Variants in FBXO3 observed in about 807,000 individuals in gnomAD.
FBXO3 encodes F-box protein 3.
In FBXO3, 17 loss-of-function variants were observed where a neutral mutation model predicts 64.8. The ratio of observed to expected loss-of-function variants is 0.26; its 90% CI spans 0.18 to 0.39. FBXO3 has a LOEUF of 0.39. Among genes scored for constraint, FBXO3 ranks in the 10% least tolerant of loss-of-function variants. The pLI is 1.00. For missense variants in FBXO3, 420 were observed against 589.9 expected (o/e 0.71, Z 2.98); for synonymous variants, 182 against 201.6 (o/e 0.90, Z 0.82).
chr11:33,758,162 A>T (rs568122371), intron 4 of FBXO3, among the ~76,000 whole-genome samples: 46 of 152,300 alleles, frequency 3.0e-4, no homozygotes, highest in African/African-American at 1.1e-3. Context: ...GGCCTGTAAT[A>T]AGATACACAT....
chr11:33,750,680 A>G lies in FBXO3; in HGVS notation c.810-19T>C, dbSNP rs1250500892. ...AACATATCTAGGTAATTTAAAAATTAAACATTTTAAAATCAACTACAGGAT... is the reference window on the plus strand; with the variant it reads ...AACATATCTAGGTAATTTAAAAATTGAACATTTTAAAATCAACTACAGGAT... On this transcript the variant is annotated intron_variant, in intron 7 of 10. Coordinates refer to ENST00000265651, the MANE Select transcript of FBXO3 (RefSeq NM_012175.4). The G allele has an allele frequency of 1.9e-5, 31 of 1,598,810 alleles. No individual in the cohort carries two copies. The highest frequency in any genetic ancestry group is 3.4e-5 in the Admixed American group (2 of 59,166).
rs35452082 is a variant in FBXO3, at chr11:33,749,360, C to CTTT, written c.933-471_933-469dup. Among the ~76,000 whole-genome samples, 156 of 137,036 alleles carry CTTT rather than the reference C, an allele frequency of 1.1e-3. 3 individuals are homozygous for CTTT. The highest frequency in any genetic ancestry group is 3.9e-3 in the Middle Eastern group (1 of 254). 89.9% of individuals were successfully genotyped at this position (137,036 alleles called of 152,430 possible). A position where few individuals can be genotyped will look rare whatever the true frequency, so the allele number is the denominator to read the frequency against. Reference sequence around the variant, plus strand: ...GATGTCACCAGTTACTGGGATTACACTTTTTTTTTTTTTTTTTGAGACAGG... The same window carrying CTTT: ...GATGTCACCAGTTACTGGGATTACACTTTTTTTTTTTTTTTTTTTTGAGACAGG... On this transcript the variant is annotated intron_variant, in intron 8 of 10. Transcript: ENST00000265651.
Position 33,748,760 on chromosome 11 carries a change from A to T in FBXO3, c.1048+17T>A, listed in dbSNP as rs1854879285. On this transcript the variant is annotated intron_variant, in intron 9 of 10. Transcript: ENST00000265651. ...TCTAAGGAATTAATGTATAAACCTA[A>T]ATCTTGGGTTCCATACCAACTACTC... 1 of 1,524,622 alleles carries T rather than the reference A, an allele frequency of 6.6e-7. No individual in the cohort carries two copies. Among genetic ancestry groups the T allele is most frequent in the Non-Finnish European group, 9.1e-7 (1 of 1,101,024 alleles). 94.4% of individuals were successfully genotyped at this position (1,524,622 alleles called of 1,614,324 possible).
In FBXO3 at chr11:33,742,220, T is replaced by A. The variant is rs1003187223; in HGVS notation, c.1240-136A>T. 4.1e-5 allele frequency: 29 copies of A among 703,922 alleles called. No individual in the cohort carries two copies. The Admixed American group carries it at 7.7e-4, about 19-fold the overall frequency. The allele number at this position is 703,922 out of a possible 1,614,324, so 43.6% of individuals were successfully genotyped here. ...AATTTCCATAGACTTGAACAGTGGA[T>A]TCTCACAACACACATGCTGATGCAA... On this transcript the variant is annotated intron_variant, in intron 10 of 10. Transcript: ENST00000265651.
chr11:33,768,538 AT>A (rs1225826329), intron 3 of FBXO3, among the ~76,000 whole-genome samples: 5 of 152,292 alleles, frequency 3.3e-5, no homozygotes, highest in Admixed American at 6.5e-5. Flanking sequence ...TTAAAAAAAA[AT>A]CTTTTAAAAG....
chr11:33,751,456 A>T (rs1245334614), intron 7 of FBXO3, 67 bp downstream of exon 7: 28 of 1,057,366 alleles, frequency 2.6e-5, no homozygotes, highest in Non-Finnish European at 4.0e-5. Context: ...TCATTTCATG[A>T]TCTGTGACTT....
chr11:33,764,791 T>C (rs11032372), intron 3 of FBXO3, among the ~76,000 whole-genome samples: 40,050 of 151,876 alleles, frequency 0.26, 6,545 homozygotes, highest in East Asian at 0.43. Context: ...CTGGCCAACA[T>C]GGTGAAACCC....
chr11:33,741,833 T>G lies in FBXO3; in HGVS notation c.*75A>C. On this transcript the variant is annotated 3_prime_UTR_variant, in exon 11 of 11. Transcript: ENST00000265651. ...TTTCCTGCTATATGCAGAGAACAATTTAGTTATTTACATTATTGAGAAATC... is the reference window on the plus strand; with the variant it reads ...TTTCCTGCTATATGCAGAGAACAATGTAGTTATTTACATTATTGAGAAATC... 7.1e-7 allele frequency: 1 copy of G among 1,409,190 alleles called. No individual in the cohort carries two copies. Among genetic ancestry groups the G allele is most frequent in the East Asian group, 2.5e-5 (1 of 40,724 alleles). 87.3% of individuals were successfully genotyped at this position (1,409,190 alleles called of 1,614,324 possible). A position where few individuals can be genotyped will look rare whatever the true frequency, so the allele number is the denominator to read the frequency against.
chr11:33,758,412 A>G, intron 4 of FBXO3, 75 bp downstream of exon 4: 1 of 1,126,702 alleles, frequency 8.9e-7, no homozygotes, highest in Non-Finnish European at 1.3e-6. Flanking sequence ...GGGTAACTAC[A>G]AATACAATTT....
At chr11:33,770,912 T>A in intron 1 of FBXO3, 82 bp from the exon 2 acceptor site, 1 of 1,113,338 alleles carries the variant, frequency 9.0e-7, no homozygotes, top group South Asian at 1.6e-5. Flanking sequence ...TTCATTGTTT[T>A]GTTTTATGCC....
intron 3 of FBXO3, among the ~76,000 whole-genome samples, chr11:33,766,143 C>T (rs923437831): frequency 1.3e-5 from 2 of 152,198 alleles, no homozygotes; most frequent in East Asian, 1.9e-4. Flanking sequence ...GTGCTTTACT[C>T]ATACTCAGTA....
Position 33,748,851 on chromosome 11 carries a change from T to TA in FBXO3, c.973_974insT (p.Gln325LeufsTer13). On this transcript the variant is annotated frameshift_variant, in exon 9 of 11. Transcript: ENST00000265651. LOFTEE classifies it high-confidence loss of function. Reference sequence around the variant, plus strand: ...TATTCTCCAATAGCGACTGTCCAACTGACAGGCCTTCTCAGGAAGTGCATC... The same window carrying TA: ...TATTCTCCAATAGCGACTGTCCAACTAGACAGGCCTTCTCAGGAAGTGCATC... 1 of 1,613,894 alleles carries TA rather than the reference T, an allele frequency of 6.2e-7. No homozygotes were observed. Among genetic ancestry groups the TA allele is most frequent in the Non-Finnish European group, 8.5e-7 (1 of 1,179,816 alleles).
chr11:33,747,436 G>GA (rs1490491274), intron 9 of FBXO3, 116 bp from the exon 10 acceptor site: 443 of 746,578 alleles, frequency 5.9e-4, no homozygotes, highest in Middle Eastern at 8.4e-4. Flanking sequence ...TGCACAGTTA[G>GA]AAAAAAAAAT....
chr11:33,744,316 C>T (rs914291658), intron 10 of FBXO3: 1 of 151,934 alleles, frequency 6.6e-6, no homozygotes, highest in African/African-American at 2.4e-5. Flanking sequence ...AAAAAGTGTA[C>T]ACACACAAAC....
At position 33,741,936 on chromosome 11, in the gene FBXO3, C is replaced by A; in HGVS notation, c.1388G>T (p.Arg463Leu). 6.2e-7 allele frequency: 1 copy of A among 1,613,116 alleles called. No individual in the cohort carries two copies. The highest frequency in any genetic ancestry group is 8.5e-7 in the Non-Finnish European group (1 of 1,179,466). ...RRRRVFDVPI[R>L]RRRCSRLF ...AAAAAGGCGTGAGCAGCGGCGTCTG[C>A]GAATGGGAACATCAAAGACTCTCCT... is the stretch of plus-strand genomic sequence containing the variant. Residue 463 changes from arginine (R) to leucine (L), a missense_variant, in exon 11 of 11, where the codon CGC (arginine) becomes CTC (leucine). Around this residue, in one of 3 missense-constraint regions of FBXO3, gnomAD observed 57 missense variants for 55.4 expected, o/e 1.03. Transcript: ENST00000265651.
Position 33,748,856 on chromosome 11 carries a change from G to C in FBXO3, c.969C>G (p.Ala323=), listed in dbSNP as rs1854882038. 6.2e-7 allele frequency: 1 copy of C among 1,613,730 alleles called. No individual in the cohort carries two copies. The highest frequency in any genetic ancestry group is 1.3e-5 in the African/African-American group (1 of 74,928). The change falls in exon 9 of 11, where the codon GCC becomes GCG. Residue 323 remains alanine, a synonymous_variant. Transcript: ENST00000265651. ...TCCAATAGCGACTGTCCAACTGACAGGCCTTCTCAGGAAGTGCATCTTTTG... is the reference window on the plus strand; with the variant it reads ...TCCAATAGCGACTGTCCAACTGACACGCCTTCTCAGGAAGTGCATCTTTTG... ...EMSKDALPEK[A]CQLDSRYWRI...
At chr11:33,773,060 T>A (rs1177307648) in intron 1 of FBXO3, 1 of 150,750 alleles carries the variant, frequency 6.6e-6, no homozygotes, top group Non-Finnish European at 1.5e-5. Flanking sequence ...TTAGAATGGA[T>A]GGTGCAAATG....
chr11:33,746,609 A>T, intron 10 of FBXO3: 1 of 710,974 alleles, frequency 1.4e-6, no homozygotes, highest in Non-Finnish European at 2.5e-6. Flanking sequence ...TAATCATGTT[A>T]TAGTCTCTAA....
intron 6 of FBXO3, among the ~76,000 whole-genome samples, chr11:33,752,786 TCTGAAA>T (rs1022802625): frequency 3.6e-5 from 5 of 139,150 alleles, no homozygotes; most frequent in Middle Eastern, 4.2e-3. Flanking sequence ...TAGTACTTTC[TCTGAAA>T]GAGTTTTTAA....
Sources: gnomAD v4.1 joint callset for allele counts (sites outside exome capture counted in the v4.1 genomes callset) on GRCh38, gnomAD v4.1.1 for gene constraint, gnomAD v4.1.1 regional missense constraint, MANE v1.5 for transcripts, NCBI Gene and HGNC (gene_info 2026-07-23, HGNC 2026-07-21) for gene names.